The following TRIM37 variants were observed in gnomAD, a reference collection of about 807,000 sequenced individuals.
TRIM37 encodes tripartite motif containing 37.
In TRIM37, 80 loss-of-function variants were observed where a neutral mutation model predicts 129.8. The observed-to-expected ratio is 0.62, with a 90% CI of 0.51 to 0.74. The LOEUF (loss-of-function observed/expected upper bound fraction) is 0.74, where lower values mean the gene tolerates loss of function less well. TRIM37 is among the 30% of genes least tolerant of loss of function. The pLI, the probability that TRIM37 is intolerant of heterozygous loss-of-function variation, is 0.00. For missense variants in TRIM37, 1,054 were observed against 1,176.5 expected (o/e 0.90, Z 1.52); for synonymous variants, 389 against 387.1 (o/e 1.00, Z -0.06).
chr17:59,083,917 TA>T, intron 5 of TRIM37, 84 bp downstream of exon 5: 1 of 1,074,358 alleles, frequency 9.3e-7, no homozygotes, highest in Non-Finnish European at 1.4e-6. Flanking sequence ...TACGAGAGCA[TA>T]ATGACACTAT....
At chr17:59,102,989 C>T (rs748112985) in intron 2 of TRIM37, among the ~76,000 whole-genome samples, 1 of 152,002 alleles carries the variant, frequency 6.6e-6, no homozygotes, top group African/African-American at 2.4e-5. Flanking sequence ...TCTCCTGTCT[C>T]AGCCTCTCGA....
the TRIM37 span, among the ~76,000 whole-genome samples, chr17:58,973,699 T>TC: frequency 6.6e-6 from 1 of 151,926 alleles, no homozygotes; most frequent in African/African-American, 2.4e-5. Context: ...ACGCCTGTAT[T>TC]CCCAGCACTT....
At chr17:59,077,118 A>G (rs1211803709) in intron 7 of TRIM37, among the ~76,000 whole-genome samples, 1 of 151,740 alleles carries the variant, frequency 6.6e-6, no homozygotes, top group African/African-American at 2.4e-5. Context: ...TTTTTGAGAC[A>G]GGGTCTCATT....
rs780728698 is a variant in TRIM37, at chr17:59,015,615, G to C, written c.2571C>G (p.Thr857=). 3.1e-6 allele frequency: 5 copies of C among 1,613,968 alleles called. No individual in the cohort carries two copies. The East Asian group carries it at 1.1e-4, about 36-fold the overall frequency. Residue 857 remains threonine (T), a synonymous_variant, in exon 21 of 24, where the codon ACC becomes ACG. Transcript: ENST00000262294. ...TACAAAACAACTTAATTTACCCCAA[G>C]GTGACCATTTTCCTCCTTTTCTCAA... is the stretch of plus-strand genomic sequence containing the variant. The part of the protein sequence containing the change: ...PAVEKRRKMV[T]LGANAKGGHL...
At chr17:59,104,266 C>T in intron 2 of TRIM37, 27 bp downstream of exon 2, 1 of 1,567,318 alleles carries the variant, frequency 6.4e-7, no homozygotes, top group Non-Finnish European at 8.8e-7. Context: ...TATATACTAA[C>T]TGCATGTAAA....
chr17:59,101,388 C>G (rs896766987), intron 2 of TRIM37, among the ~76,000 whole-genome samples: 1 of 151,966 alleles, frequency 6.6e-6, no homozygotes, highest in Admixed American at 6.6e-5. Flanking sequence ...CCTGAGAGAT[C>G]AGACAGAAAG....
intron 8 of TRIM37, among the ~76,000 whole-genome samples, chr17:59,073,807 T>A (rs1006488537): frequency 6.6e-6 from 1 of 152,170 alleles, no homozygotes; most frequent in Admixed American, 6.5e-5. Context: ...CTACACATGG[T>A]CAGGATCATC....
intron 14 of TRIM37, 38 bp downstream of exon 14, chr17:59,051,176 A>T: frequency 7.5e-7 from 1 of 1,326,554 alleles, no homozygotes; most frequent in Non-Finnish European, 1.1e-6. Flanking sequence ...CCAAAAGGAC[A>T]ATAGGAAACA....
chr17:59,062,034 A>G (rs2041539837), intron 11 of TRIM37, among the ~76,000 whole-genome samples: 1 of 152,310 alleles, frequency 6.6e-6, no homozygotes, highest in East Asian at 1.9e-4. Flanking sequence ...TTTTCTAAAA[A>G]AAAAAAAATA....
intron 19 of TRIM37, among the ~76,000 whole-genome samples, chr17:59,021,081 CCA>C (rs1454125532): frequency 6.6e-6 from 1 of 152,162 alleles, no homozygotes; most frequent in Non-Finnish European, 1.5e-5. Context: ...AACCTAAGAT[CCA>C]CAGACAAATG....
intron 17 of TRIM37, 88 bp from the exon 18 acceptor site, chr17:59,032,178 T>C: frequency 7.6e-7 from 1 of 1,313,678 alleles, no homozygotes; most frequent in Non-Finnish European, 1.1e-6. Context: ...ATTATATGAA[T>C]ACTTGTCTAT....
chr17:59,086,511 T>G (rs9891449), intron 4 of TRIM37, among the ~76,000 whole-genome samples: 4 of 152,064 alleles, frequency 2.6e-5, no homozygotes, highest in Admixed American at 1.3e-4. Flanking sequence ...AGTGCTGGGA[T>G]TACAAGCATG....
chr17:58,980,944 G>T, downstream of TRIM37: 1 of 1,614,214 alleles, frequency 6.2e-7, no homozygotes, highest in Non-Finnish European at 8.5e-7. The surrounding 1 kb of genome is among the most constrained non-coding windows in gnomAD (Gnocchi z 4.7). Context: ...AAAATAGTTG[G>T]AAAGGGTACA....
chr17:58,972,295 A>T, the TRIM37 span: 1 of 1,606,438 alleles, frequency 6.2e-7, no homozygotes, highest in South Asian at 1.1e-5. Flanking sequence ...GTCTGTTTTA[A>T]TAGAGCCCAT....
intron 4 of TRIM37, among the ~76,000 whole-genome samples, chr17:59,084,790 G>T (rs1379818140): frequency 6.6e-6 from 1 of 152,136 alleles, no homozygotes; most frequent in Non-Finnish European, 1.5e-5. Context: ...GGAGACACCA[G>T]GCATGCACGT....
chr17:59,092,432 T>G (rs892113457), intron 2 of TRIM37, among the ~76,000 whole-genome samples: 3 of 151,238 alleles, frequency 2.0e-5, no homozygotes, highest in Non-Finnish European at 4.4e-5. Context: ...GGTTTCATAG[T>G]TCAGTAATTG....
chr17:59,024,716 A>C (rs1456373471), intron 19 of TRIM37, among the ~76,000 whole-genome samples: 1 of 152,182 alleles, frequency 6.6e-6, no homozygotes, highest in Non-Finnish European at 1.5e-5. Flanking sequence ...ATTTTTGTAG[A>C]GATTAAGGTC....
intron 23 of TRIM37, among the ~76,000 whole-genome samples, chr17:59,000,540 G>A (rs2033579114): frequency 6.6e-6 from 1 of 152,118 alleles, no homozygotes; most frequent in Non-Finnish European, 1.5e-5. Flanking sequence ...GGCAGAAGTT[G>A]CAGTGAGCTG....
chr17:59,069,263 C>A (rs1599330356), intron 9 of TRIM37, among the ~76,000 whole-genome samples: 1 of 151,870 alleles, frequency 6.6e-6, no homozygotes, highest in African/African-American at 2.4e-5. Flanking sequence ...GTGAGAATTG[C>A]TTGAATCCGG....
Sources: gnomAD v4.1 joint callset for allele counts (sites outside exome capture counted in the v4.1 genomes callset) on GRCh38, gnomAD v4.1.1 for gene constraint, Gnocchi (gnomAD v3.1) non-coding constraint, MANE v1.5 for transcripts, NCBI Gene and HGNC (gene_info 2026-07-23, HGNC 2026-07-21) for gene names.